SYNDIG1: variants seen among roughly 807,000 people sequenced by gnomAD.
The protein encoded by SYNDIG1 is synapse differentiation-inducing gene protein 1.
Under a neutral mutation model 19.4 loss-of-function variants are expected in SYNDIG1, and 9 were observed. The ratio of observed to expected loss-of-function variants is 0.46; its 90% CI spans 0.28 to 0.81. The LOEUF (loss-of-function observed/expected upper bound fraction) is 0.81. Ranked by LOEUF, SYNDIG1 falls within the 30% of genes least tolerant of loss-of-function variation. The pLI is 0.12. For missense variants in SYNDIG1, 311 were observed against 343.3 expected (o/e 0.91, Z 0.74); for synonymous variants, 141 against 145.9 (o/e 0.97, Z 0.24).
At chr20:24,590,724 C>T (rs1030036450) in intron 3 of SYNDIG1, among the ~76,000 whole-genome samples, 5 of 152,134 alleles carry the variant, frequency 3.3e-5, no homozygotes, top group Admixed American at 1.3e-4. Context: ...CAGGAGCTGT[C>T]GGCCTCTGCG....
At chr20:24,656,778 T>C (rs2059529739) in intron 3 of SYNDIG1, among the ~76,000 whole-genome samples, 1 of 152,240 alleles carries the variant, frequency 6.6e-6, no homozygotes, top group African/African-American at 2.4e-5. Context: ...CCTGAATCTG[T>C]GAGAAACCAA....
At chr20:24,613,220 G>A (rs1234199454) in intron 3 of SYNDIG1, among the ~76,000 whole-genome samples, 1 of 152,160 alleles carries the variant, frequency 6.6e-6, no homozygotes, top group African/African-American at 2.4e-5. Flanking sequence ...ATGTGACCCT[G>A]GCCAACTTAC....
Position 24,665,218 on chromosome 20 carries a change from G to C in SYNDIG1, c.619-128G>C. The C allele has an allele frequency of 4.2e-6, 5 of 1,194,296 alleles. No homozygotes were observed. The South Asian group carries it at 7.5e-5, about 18-fold the overall frequency. 74.0% of individuals were successfully genotyped at this position (1,194,296 alleles called of 1,614,324 possible). A position where few individuals can be genotyped will look rare whatever the true frequency, so the allele number is the denominator to read the frequency against. On this transcript the variant is annotated intron_variant, in intron 3 of 3. Coordinates refer to ENST00000376862, the MANE Select transcript of SYNDIG1 (RefSeq NM_024893.3). ...CCTGGTCATAGCAGGGGTGAGCACA[G>C]TTTCCCCCTCAGCCTTCTCTGCATC...
intron 3 of SYNDIG1, among the ~76,000 whole-genome samples, chr20:24,660,385 C>T (rs2147397600): frequency 6.6e-6 from 1 of 152,296 alleles, no homozygotes; most frequent in South Asian, 2.1e-4. Context: ...TTTGGTTTTT[C>T]CACATTGTCT....
intron 3 of SYNDIG1, among the ~76,000 whole-genome samples, chr20:24,592,290 C>T (rs1249360386): frequency 7.2e-5 from 11 of 152,150 alleles, no homozygotes; most frequent in Non-Finnish European, 1.5e-5. Flanking sequence ...AGGGACACGA[C>T]ACCATCATTG....
intron 3 of SYNDIG1, among the ~76,000 whole-genome samples, chr20:24,661,326 A>AGG (rs2059583665): frequency 7.8e-6 from 1 of 128,534 alleles, no homozygotes; most frequent in Non-Finnish European, 1.7e-5. Flanking sequence ...GGAGGGAGGG[A>AGG]AGAGAGGGGG....
At chr20:24,506,476 T>G (rs964636936) in intron 1 of SYNDIG1, among the ~76,000 whole-genome samples, 1 of 152,120 alleles carries the variant, frequency 6.6e-6, no homozygotes, top group African/African-American at 2.4e-5. Flanking sequence ...CAGCTGAGGG[T>G]GGACAGTGCT....
At chr20:24,470,251 G>A (rs1284715834) in intron 1 of SYNDIG1, among the ~76,000 whole-genome samples, 1 of 152,220 alleles carries the variant, frequency 6.6e-6, no homozygotes, top group Non-Finnish European at 1.5e-5. Context: ...GGGCGGCCAC[G>A]GAGCTGGGGA....
At chr20:24,473,495 A>T (rs1251201594) in intron 1 of SYNDIG1, among the ~76,000 whole-genome samples, 1 of 152,142 alleles carries the variant, frequency 6.6e-6, no homozygotes, top group Non-Finnish European at 1.5e-5. Context: ...TTCCTGAGAG[A>T]TCCTAAACTT....
At position 24,658,895 on chromosome 20, in the gene SYNDIG1, C is replaced by A. The variant is rs1190143235; in HGVS notation, c.619-6451C>A. 6.6e-6 allele frequency among the ~76,000 whole-genome samples: 1 copy of A among 152,160 alleles called. No individual in the cohort carries two copies. Among genetic ancestry groups the A allele is most frequent in the Non-Finnish European group, 1.5e-5 (1 of 68,030 alleles). On this transcript the variant is annotated intron_variant, in intron 3 of 3. Coordinates refer to ENST00000376862, the MANE Select transcript of SYNDIG1 (RefSeq NM_024893.3). This position sits in a 1 kb window ranked among gnomAD's most constrained non-coding sequence, Gnocchi z 4.4. ...TAATATTAAAATTCGGTTCTGCAGT[C>A]ACATGAGCCATGCCCCAAGTGCCAT...
chr20:24,554,429 T>C (rs983537422), intron 2 of SYNDIG1, among the ~76,000 whole-genome samples: 1 of 152,262 alleles, frequency 6.6e-6, no homozygotes, highest in African/African-American at 2.4e-5. Flanking sequence ...CAGTATGATA[T>C]TGGCTGTGGG....
intron 3 of SYNDIG1, among the ~76,000 whole-genome samples, chr20:24,652,105 G>A (rs910667175): frequency 1.3e-5 from 2 of 152,222 alleles, no homozygotes; most frequent in Non-Finnish European, 2.9e-5. Context: ...GTTACCAGCA[G>A]TAGATAATTA....
At chr20:24,536,247 G>A (rs937502786) in intron 1 of SYNDIG1, among the ~76,000 whole-genome samples, 2 of 152,202 alleles carry the variant, frequency 1.3e-5, no homozygotes, top group African/African-American at 4.8e-5. Flanking sequence ...TGATATCTGA[G>A]TGTGGCCACG....
chr20:24,584,713 T>C (rs2147031122), intron 2 of SYNDIG1, 143 bp from the exon 3 acceptor site: 1 of 1,113,968 alleles, frequency 9.0e-7, no homozygotes, highest in Non-Finnish European at 1.3e-6. Context: ...GCAATAACGA[T>C]GACTCGAACA....
At chr20:24,636,695 G>A (rs202183393) in intron 3 of SYNDIG1, among the ~76,000 whole-genome samples, 2 of 152,132 alleles carry the variant, frequency 1.3e-5, no homozygotes, top group East Asian at 3.9e-4. Context: ...TTTCCTATTG[G>A]CACAGCTGCT....
At chr20:24,564,615 GGTGAGGATAGT>G (rs2058006789) in intron 2 of SYNDIG1, among the ~76,000 whole-genome samples, 1 of 152,184 alleles carries the variant, frequency 6.6e-6, no homozygotes, top group Non-Finnish European at 1.5e-5. Context: ...TCATTAGAAG[GGTGAGGATAGT>G]CTGTCCTTAC....
rs145310245 is a variant in SYNDIG1, at chr20:24,588,618, G to A, written c.618+3625G>A. Among the ~76,000 whole-genome samples the A allele has an allele frequency of 1.0e-3, 157 of 152,308 alleles. No homozygotes were observed. The East Asian group carries it at 0.016, about 15-fold the overall frequency. On this transcript the variant is annotated intron_variant, in intron 3 of 3. Transcript: ENST00000376862. ...CTGCTGCCATCACCCGGGAGGGGCC[G>A]TGGTGACCTGTGCTGCAGTCTCGGC...
intron 1 of SYNDIG1, among the ~76,000 whole-genome samples, chr20:24,539,484 T>G (rs1308596018): frequency 6.6e-6 from 1 of 152,236 alleles, no homozygotes; most frequent in Non-Finnish European, 1.5e-5. Flanking sequence ...ATCACACTGT[T>G]TTGATTCTAG....
intron 2 of SYNDIG1, among the ~76,000 whole-genome samples, chr20:24,577,598 C>T (rs890478763): frequency 1.3e-5 from 2 of 152,222 alleles, no homozygotes; most frequent in African/African-American, 4.8e-5. Context: ...GAGGGTATCT[C>T]GCTCCAGGCT....
Sources: gnomAD v4.1 joint callset for allele counts (sites outside exome capture counted in the v4.1 genomes callset) on GRCh38, gnomAD v4.1.1 for gene constraint, Gnocchi (gnomAD v3.1) non-coding constraint, MANE v1.5 for transcripts, NCBI Gene and HGNC (gene_info 2026-07-23, HGNC 2026-07-21) for gene names.